TTBK2: variants seen among roughly 807,000 people sequenced by gnomAD.
The protein encoded by TTBK2 is tau tubulin kinase 2, also known as tau-tubulin kinase 2.
TTBK2 carries 28 observed loss-of-function variants against 110.8 expected under a neutral mutation model. The ratio of observed to expected loss-of-function variants is 0.25; its 90% CI spans 0.19 to 0.35. The LOEUF is 0.35. Among genes scored for constraint, TTBK2 ranks in the 10% least tolerant of loss-of-function variants. The pLI is 1.00. For missense variants in TTBK2, 1,369 were observed against 1,500.3 expected (o/e 0.91, Z 1.45); for synonymous variants, 532 against 527.3 (o/e 1.01, Z -0.12).
At chr15:42,810,584 C>T (rs151097233) in intron 9 of TTBK2, 30 bp downstream of exon 9, 471 of 1,612,554 alleles carry the variant, frequency 2.9e-4, no homozygotes, top group Non-Finnish European at 3.8e-4. Context: ...GAGAAAATAA[C>T]TAACCCACAG....
At chr15:42,775,083 A>G (rs1889841299) in intron 13 of TTBK2, 52 bp downstream of exon 13, 43 of 1,577,584 alleles carry the variant, frequency 2.7e-5, no homozygotes, top group Non-Finnish European at 3.7e-5. Context: ...GTCCTTTCTT[A>G]ATAGCACCTT....
intron 13 of TTBK2, among the ~76,000 whole-genome samples, chr15:42,765,412 G>A (rs1470339063): frequency 6.6e-6 from 1 of 152,216 alleles, no homozygotes; most frequent in Non-Finnish European, 1.5e-5. Context: ...ACAGCGTAGA[G>A]AAGACCTTAA....
chr15:42,902,096 G>A (rs534502406), intron 1 of TTBK2, among the ~76,000 whole-genome samples: 1 of 151,442 alleles, frequency 6.6e-6, no homozygotes, highest in Non-Finnish European at 1.5e-5. Flanking sequence ...CACGTCTGTA[G>A]TCCCAGCTAC....
At chr15:42,788,974 A>T (rs1034165894) in intron 10 of TTBK2, among the ~76,000 whole-genome samples, 1 of 152,234 alleles carries the variant, frequency 6.6e-6, no homozygotes, top group Non-Finnish European at 1.5e-5. Flanking sequence ...TGGTCATTAC[A>T]GGGAAGCAGA....
At chr15:42,856,786 G>T (rs979983465) in intron 3 of TTBK2, among the ~76,000 whole-genome samples, 4 of 152,160 alleles carry the variant, frequency 2.6e-5, no homozygotes, top group Non-Finnish European at 2.9e-5. Flanking sequence ...CTAATGCCAG[G>T]CGTGATGGCT....
At chr15:42,906,210 C>T (rs1241880572) in intron 1 of TTBK2, among the ~76,000 whole-genome samples, 2 of 151,832 alleles carry the variant, frequency 1.3e-5, no homozygotes. Flanking sequence ...GCAGTCATTA[C>T]TTATGTAATT....
At position 42,743,603 on chromosome 15, in the gene TTBK2, A is replaced by G. The variant is rs1417227669; in HGVS notation, c.*2192T>C. ...ATGGCAATTTTTAAGAAATGTTTTA[A>G]AAATCTGTCAGACTCATCATCATCC... is the stretch of plus-strand genomic sequence containing the variant. On this transcript the variant is annotated 3_prime_UTR_variant, in exon 15 of 15. Coordinates refer to ENST00000267890, the MANE Select transcript of TTBK2 (RefSeq NM_173500.4). The G allele has an allele frequency of 6.6e-6, 1 of 152,244 alleles. No homozygotes were observed. The highest frequency in any genetic ancestry group is 1.5e-5 in the Non-Finnish European group (1 of 68,034). The allele number at this position is 152,244 out of a possible 1,614,324, so 9.4% of individuals were successfully genotyped here.
intron 1 of TTBK2, among the ~76,000 whole-genome samples, chr15:42,901,140 C>A (rs2029979236): frequency 6.6e-6 from 1 of 152,118 alleles, no homozygotes; most frequent in Non-Finnish European, 1.5e-5. Context: ...GCAGGTGGAT[C>A]ACCTGAGGTC....
At chr15:42,764,654 C>A (rs1018135455) in intron 13 of TTBK2, among the ~76,000 whole-genome samples, 3 of 152,268 alleles carry the variant, frequency 2.0e-5, no homozygotes, top group Non-Finnish European at 4.4e-5. Flanking sequence ...CCTGCTGCCT[C>A]TGTAGACTCC....
intron 3 of TTBK2, among the ~76,000 whole-genome samples, chr15:42,864,033 T>C (rs1420134434): frequency 6.6e-6 from 1 of 152,288 alleles, no homozygotes; most frequent in East Asian, 1.9e-4. Context: ...AAAGGCATTT[T>C]GGCTAAGTCC....
At chr15:42,767,795 CAG>C (rs943062607) in intron 13 of TTBK2, among the ~76,000 whole-genome samples, 1 of 152,154 alleles carries the variant, frequency 6.6e-6, no homozygotes, top group Non-Finnish European at 1.5e-5. Context: ...CAAAGCCTGA[CAG>C]AGACACAACA....
chr15:42,808,645 G>C (rs929312652), intron 9 of TTBK2, among the ~76,000 whole-genome samples: 1 of 151,866 alleles, frequency 6.6e-6, no homozygotes, highest in Non-Finnish European at 1.5e-5. Context: ...AGGCCAGTTT[G>C]AGACCTGCTT....
intron 1 of TTBK2, among the ~76,000 whole-genome samples, chr15:42,910,224 T>A (rs1439236308): frequency 2.0e-5 from 3 of 151,298 alleles, no homozygotes; most frequent in Non-Finnish European, 4.4e-5. Context: ...GCAACAATAA[T>A]CTAGCAGTGT....
Position 42,766,446 on chromosome 15 carries a change from C to CAAAAAAAAAAAAAAAAAAAAA in TTBK2, c.1998+8668_1998+8688dup, listed in dbSNP as rs567972612. Among the ~76,000 whole-genome samples, 22 of 30,854 alleles carry CAAAAAAAAAAAAAAAAAAAAA rather than the reference C, an allele frequency of 7.1e-4. 3 individuals are homozygous for CAAAAAAAAAAAAAAAAAAAAA. Among genetic ancestry groups the CAAAAAAAAAAAAAAAAAAAAA allele is most frequent in the African/African-American group, 2.9e-3 (9 of 3,084 alleles). The allele number at this position is 30,854 out of a possible 152,430, so 20.2% of individuals were successfully genotyped here. A position where few individuals can be genotyped will look rare whatever the true frequency, so the allele number is the denominator to read the frequency against. On this transcript the variant is annotated intron_variant, in intron 13 of 14. Coordinates refer to ENST00000267890, the MANE Select transcript of TTBK2 (RefSeq NM_173500.4). ...GAAGATCTACCAAGCGAATGGAAAG[C>CAAAAAAAAAAAAAAAAAAAAA]AAAAAAAAAAAAAAAAAAAAAGCAA... is the stretch of plus-strand genomic sequence containing the variant.
At chr15:42,865,732 AG>A in intron 3 of TTBK2, among the ~76,000 whole-genome samples, 1 of 152,240 alleles carries the variant, frequency 6.6e-6, no homozygotes, top group South Asian at 2.1e-4. Flanking sequence ...CCAAAGCAAG[AG>A]GATCACTTGA....
At chr15:42,747,037 T>C (rs1038969430) in intron 14 of TTBK2, among the ~76,000 whole-genome samples, 1 of 150,864 alleles carries the variant, frequency 6.6e-6, no homozygotes, top group Non-Finnish European at 1.5e-5. Flanking sequence ...TGATCACAGC[T>C]CACTGCAGTC....
intron 13 of TTBK2, 146 bp downstream of exon 13, chr15:42,774,989 C>G (rs1889836471): frequency 1.3e-6 from 1 of 751,516 alleles, no homozygotes. Flanking sequence ...GGAGGGTTGA[C>G]TATAGAACTT....
chr15:42,800,885 G>A (rs1370265482), intron 9 of TTBK2: 31 of 627,616 alleles, frequency 4.9e-5, no homozygotes, highest in Non-Finnish European at 7.4e-5. Context: ...TGGGTCTCCC[G>A]TTCCCTGTGT....
intron 3 of TTBK2, among the ~76,000 whole-genome samples, chr15:42,842,813 G>C (rs915780349): frequency 5.9e-5 from 9 of 151,958 alleles, no homozygotes; most frequent in African/African-American, 2.2e-4. Flanking sequence ...TTTATAAAGG[G>C]GGTATAAGCT....
Sources: allele counts gnomAD v4.1 joint callset (sites outside exome capture counted in the v4.1 genomes callset), GRCh38; gene constraint gnomAD v4.1.1; transcripts MANE v1.5; gene names NCBI Gene and HGNC (gene_info 2026-07-23, HGNC 2026-07-21).